MLIP: variants seen among roughly 807,000 people sequenced by gnomAD.
MLIP encodes the protein muscular LMNA interacting protein.
MLIP carries 79 observed loss-of-function variants against 84.8 expected under a neutral mutation model. That is an observed-to-expected ratio of 0.93 (90% CI 0.78 to 1.12). The LOEUF is 1.12. Among genes scored for constraint, MLIP ranks in the 50% most tolerant of loss-of-function variants. MLIP has a pLI of 0.00. For missense variants in MLIP, 1,257 were observed against 1,160.6 expected, an observed-to-expected ratio of 1.08 and a Z score of -1.21; for synonymous variants, 504 against 463.0, an observed-to-expected ratio of 1.09 and a Z score of -1.14.
intron 13 of MLIP, among the ~76,000 whole-genome samples, chr6:54,261,126 G>T (rs541997833): frequency 6.6e-6 from 1 of 151,998 alleles, no homozygotes; most frequent in Admixed American, 6.6e-5. Flanking sequence ...TGATTTCTGA[G>T]TTGAGTTACT....
At chr6:54,131,775 A>G (rs1163916026) in intron 3 of MLIP, among the ~76,000 whole-genome samples, 1 of 152,246 alleles carries the variant, frequency 6.6e-6, no homozygotes, top group African/African-American at 2.4e-5. Flanking sequence ...TTAACAAACC[A>G]TGCCAGCATT....
At position 54,214,046 on chromosome 6, in the gene MLIP, C is replaced by A. The variant is rs1387307243; in HGVS notation, c.2718+11813C>A. ...ATCTCTTTACAGTAAGTCACAAATCCACAGGCAGCAGTCAAGTAACACATT... is the reference window on the plus strand; with the variant it reads ...ATCTCTTTACAGTAAGTCACAAATCAACAGGCAGCAGTCAAGTAACACATT... On this transcript the variant is annotated intron_variant, in intron 11 of 13. Transcript: ENST00000502396. Among the ~76,000 whole-genome samples the A allele has an allele frequency of 2.0e-5, 3 of 152,100 alleles. No homozygotes were observed. The East Asian group carries it at 5.8e-4, about 29-fold the overall frequency.
At chr6:54,044,677 G>A (rs1222901561) in intron 1 of MLIP, among the ~76,000 whole-genome samples, 1 of 149,968 alleles carries the variant, frequency 6.7e-6, no homozygotes, top group Non-Finnish European at 1.5e-5. Context: ...TTCAAAAGAA[G>A]ACCTTAAGGT....
At chr6:54,240,642 T>G (rs1781674088) in intron 12 of MLIP, among the ~76,000 whole-genome samples, 2 of 152,278 alleles carry the variant, frequency 1.3e-5, no homozygotes, top group South Asian at 4.1e-4. Flanking sequence ...GGACTCAGAT[T>G]GGGCTGTTTG....
At chr6:54,131,996 T>C (rs1771421932) in intron 3 of MLIP, among the ~76,000 whole-genome samples, 1 of 152,174 alleles carries the variant, frequency 6.6e-6, no homozygotes, top group Non-Finnish European at 1.5e-5. Flanking sequence ...TGGTCTTGTA[T>C]CTTCCAGTAA....
chr6:54,227,734 T>C lies in MLIP; in HGVS notation c.2719-2980T>C, dbSNP rs200578453. 3.9e-5 allele frequency among the ~76,000 whole-genome samples: 6 copies of C among 152,308 alleles called. No homozygotes were observed. The East Asian group carries it at 1.2e-3, about 29-fold the overall frequency. On this transcript the variant is annotated intron_variant, in intron 11 of 13. Coordinates refer to ENST00000502396, the MANE Select transcript of MLIP (RefSeq NM_001281747.2). ...TTATTTTCCAACCTGGAATTTCATATTCAAACAATCAAACGTAAGAGTAGA... is the reference window on the plus strand; with the variant it reads ...TTATTTTCCAACCTGGAATTTCATACTCAAACAATCAAACGTAAGAGTAGA...
At chr6:54,216,289 G>A in intron 11 of MLIP, 1 of 985,312 alleles carries the variant, frequency 1.0e-6, no homozygotes, top group South Asian at 4.7e-5. Flanking sequence ...AATTGTAGAA[G>A]CCTATTTTCT....
intron 13 of MLIP, 93 bp from the exon 14 acceptor site, chr6:54,265,857 G>A (rs1783655837): frequency 1.7e-6 from 2 of 1,183,184 alleles, no homozygotes; most frequent in Non-Finnish European, 1.2e-6. Context: ...TTTTGTAGGA[G>A]ATGCTATGCC....
At chr6:54,208,281 A>C (rs771073700) in intron 11 of MLIP, among the ~76,000 whole-genome samples, 8 of 152,162 alleles carry the variant, frequency 5.3e-5, no homozygotes, top group Admixed American at 2.0e-4. Flanking sequence ...CTGAGATTAG[A>C]AAGTTCAAAA....
chr6:54,106,988 T>C (rs1769063918), upstream of MLIP, among the ~76,000 whole-genome samples: 1 of 152,178 alleles, frequency 6.6e-6, no homozygotes, highest in South Asian at 2.1e-4. Flanking sequence ...GGAAGAGGAC[T>C]GAAAGGAAAT....
intron 11 of MLIP, among the ~76,000 whole-genome samples, chr6:54,220,204 A>T (rs569458231): frequency 1.3e-5 from 2 of 152,294 alleles, no homozygotes; most frequent in South Asian, 4.1e-4. Flanking sequence ...TTATGAATAT[A>T]CCTGTCCTTA....
At chr6:54,180,704 CT>C (rs1364109649) in intron 9 of MLIP, among the ~76,000 whole-genome samples, 2 of 152,072 alleles carry the variant, frequency 1.3e-5, no homozygotes, top group Non-Finnish European at 2.9e-5. Flanking sequence ...ATTTCAATCT[CT>C]TTGTTAAATT....
chr6:54,135,900 T>G (rs995342077), intron 3 of MLIP, among the ~76,000 whole-genome samples: 3 of 152,182 alleles, frequency 2.0e-5, no homozygotes, highest in Non-Finnish European at 4.4e-5. Context: ...AATTGTTCTT[T>G]ATTTCCTCTT....
At chr6:54,107,450 C>T (rs190525849), upstream of MLIP, among the ~76,000 whole-genome samples, 16 of 152,224 alleles carry the variant, frequency 1.1e-4, no homozygotes, top group East Asian at 2.1e-3. Flanking sequence ...GCCTGTGAAT[C>T]GGGTTAGTCC....
intron 1 of MLIP, among the ~76,000 whole-genome samples, chr6:54,040,261 C>T (rs1268852075): frequency 1.3e-5 from 2 of 151,808 alleles, no homozygotes; most frequent in East Asian, 3.9e-4. Flanking sequence ...CTGATGATAA[C>T]CCATTCAACA....
At chr6:54,145,781 A>G (rs1030503562) in intron 4 of MLIP, among the ~76,000 whole-genome samples, 1 of 128,798 alleles carries the variant, frequency 7.8e-6, no homozygotes, top group Non-Finnish European at 1.6e-5. Context: ...GTCCCCCACC[A>G]CCCCCTCCCC....
chr6:54,265,220 T>C (rs147711601), intron 13 of MLIP, among the ~76,000 whole-genome samples: 181 of 152,284 alleles, frequency 1.2e-3, no homozygotes, highest in African/African-American at 4.1e-3. Flanking sequence ...CTTAGAACTA[T>C]ATTTCTCTTC....
chr6:54,217,985 A>G (rs1208774819), intron 11 of MLIP: 3 of 985,414 alleles, frequency 3.0e-6, no homozygotes, highest in East Asian at 2.3e-4. Context: ...AGATGCCATT[A>G]GTGTGTTTTG....
chr6:54,104,884 G>T (rs191864423), intron 1 of MLIP, among the ~76,000 whole-genome samples: 1 of 152,076 alleles, frequency 6.6e-6, no homozygotes, highest in East Asian at 1.9e-4. Context: ...GGAAACCACG[G>T]GCTAAACACA....
Sources: allele counts gnomAD v4.1 joint callset (sites outside exome capture counted in the v4.1 genomes callset), GRCh38; gene constraint gnomAD v4.1.1; transcripts MANE v1.5; gene names NCBI Gene and HGNC (gene_info 2026-07-23, HGNC 2026-07-21).